Variants in LRMDA observed in about 807,000 individuals in gnomAD.
LRMDA encodes leucine-rich melanocyte differentiation-associated protein.
In LRMDA, 18 loss-of-function variants were observed where a neutral mutation model predicts 29.8. The observed-to-expected ratio is 0.60, with a 90% CI of 0.42 to 0.90. The LOEUF is 0.90. Among genes scored for constraint, LRMDA ranks in the 40% least tolerant of loss-of-function variants. The pLI, the probability that LRMDA is intolerant of heterozygous loss-of-function variation, is 0.00. For missense variants in LRMDA, 273 were observed against 273.9 expected, an observed-to-expected ratio of 1.00 and a Z score of 0.02; for synonymous variants, 125 against 109.4, an observed-to-expected ratio of 1.14 and a Z score of -0.89.
intron 2 of LRMDA, among the ~76,000 whole-genome samples, chr10:75,989,502 C>T (rs1847321841): frequency 1.3e-5 from 2 of 152,202 alleles, no homozygotes; most frequent in African/African-American, 2.4e-5. Flanking sequence ...AGAAACCACC[C>T]CCATGATCCA....
At chr10:76,538,479 C>T (rs1843314294) in intron 6 of LRMDA, among the ~76,000 whole-genome samples, 1 of 136,282 alleles carries the variant, frequency 7.3e-6, no homozygotes, top group Non-Finnish European at 1.5e-5. Flanking sequence ...TATGTATATA[C>T]ATATTTATAT....
At chr10:75,952,166 T>C (rs1397346023) in intron 2 of LRMDA, among the ~76,000 whole-genome samples, 1 of 152,172 alleles carries the variant, frequency 6.6e-6, no homozygotes, top group East Asian at 1.9e-4. Flanking sequence ...AAAGTTTGCT[T>C]CTTCTCAACC....
chr10:76,470,724 A>C (rs920135883), intron 6 of LRMDA, among the ~76,000 whole-genome samples: 1 of 152,058 alleles, frequency 6.6e-6, no homozygotes, highest in Non-Finnish European at 1.5e-5. Flanking sequence ...AATAGAATAG[A>C]GGTTAACAAG....
At chr10:76,057,919 GTCAAC>G (rs750721804) in intron 4 of LRMDA, among the ~76,000 whole-genome samples, 23 of 152,280 alleles carry the variant, frequency 1.5e-4, no homozygotes, top group South Asian at 2.1e-4. Context: ...GGTTATTCTT[GTCAAC>G]TCCATATATA....
chr10:75,641,847 G>A (rs1390352632), intron 2 of LRMDA, among the ~76,000 whole-genome samples: 1 of 152,260 alleles, frequency 6.6e-6, no homozygotes, highest in East Asian at 1.9e-4. Context: ...AGGAATTTGA[G>A]TCCAGCTCAG....
At chr10:76,181,747 G>A (rs947019068) in intron 5 of LRMDA, among the ~76,000 whole-genome samples, 1 of 152,216 alleles carries the variant, frequency 6.6e-6, no homozygotes, top group Non-Finnish European at 1.5e-5. Context: ...AGAATGAGAA[G>A]TTATAAAAAC....
intron 2 of LRMDA, among the ~76,000 whole-genome samples, chr10:75,522,133 C>A (rs75238681): frequency 6.6e-6 from 1 of 152,172 alleles, no homozygotes; most frequent in Non-Finnish European, 1.5e-5. Context: ...TTGAAGCAGG[C>A]GCTGTTCTAT....
At chr10:75,834,314 T>C (rs576494815) in intron 2 of LRMDA, among the ~76,000 whole-genome samples, 2 of 152,330 alleles carry the variant, frequency 1.3e-5, no homozygotes, top group African/African-American at 4.8e-5. Context: ...ACGAGTCACA[T>C]GCCTAATCTC....
At chr10:75,724,691 C>T (rs1042027098) in intron 2 of LRMDA, among the ~76,000 whole-genome samples, 4 of 152,092 alleles carry the variant, frequency 2.6e-5, no homozygotes, top group Non-Finnish European at 4.4e-5. Context: ...AGAATCTCAG[C>T]GAGTGGGTTA....
chr10:75,897,507 G>T (rs1341362290), intron 2 of LRMDA, among the ~76,000 whole-genome samples: 1 of 152,148 alleles, frequency 6.6e-6, no homozygotes, highest in Non-Finnish European at 1.5e-5. Flanking sequence ...TAGACCTGAA[G>T]AATTTCATTC....
rs57497971 is a variant in LRMDA at position 75,827,621 on chromosome 10, C to T, written c.132-208387C>T. Reference sequence around the variant, plus strand: ...GGTTAGTGTTTGAGGGACTTTGAGGCACTGCTGTAAAGCAAAGTGCAAAAA... The same window carrying T: ...GGTTAGTGTTTGAGGGACTTTGAGGTACTGCTGTAAAGCAAAGTGCAAAAA... On this transcript the variant is annotated intron_variant, in intron 2 of 6. Transcript: ENST00000611255. Among the ~76,000 whole-genome samples, 1,129 of 152,288 alleles carry T rather than the reference C, an allele frequency of 7.4e-3. 20 individuals carry two copies. Among genetic ancestry groups the T allele is most frequent in the African/African-American group, 0.025 (1,029 of 41,554 alleles).
chr10:76,148,460 C>T (rs73285261), intron 5 of LRMDA, among the ~76,000 whole-genome samples: 47 of 152,228 alleles, frequency 3.1e-4, no homozygotes, highest in African/African-American at 8.4e-4. Context: ...TAGCAATGAG[C>T]GACACACGGT....
At chr10:75,588,499 T>G (rs1014078489) in intron 2 of LRMDA, among the ~76,000 whole-genome samples, 1 of 152,348 alleles carries the variant, frequency 6.6e-6, no homozygotes, top group South Asian at 2.1e-4. Context: ...GCCTGGTCCA[T>G]GTGAGTTCCT....
At chr10:76,479,115 A>G (rs1842710586) in intron 6 of LRMDA, among the ~76,000 whole-genome samples, 1 of 151,704 alleles carries the variant, frequency 6.6e-6, no homozygotes, top group South Asian at 2.1e-4. Context: ...AATTAGAATG[A>G]AAGGTTTCAT....
chr10:75,493,123 A>G (rs1466051555), intron 2 of LRMDA, among the ~76,000 whole-genome samples: 1 of 152,154 alleles, frequency 6.6e-6, no homozygotes, highest in African/African-American at 2.4e-5. Context: ...ATGAATTGTT[A>G]TATTTGCATA....
chr10:76,527,621 C>A (rs1410429669), intron 6 of LRMDA, among the ~76,000 whole-genome samples: 1 of 152,104 alleles, frequency 6.6e-6, no homozygotes, highest in African/African-American at 2.4e-5. Flanking sequence ...AATACATCTA[C>A]TTCATAGGGT....
chr10:76,263,476 T>C (rs1407402201), intron 5 of LRMDA, among the ~76,000 whole-genome samples: 1 of 152,188 alleles, frequency 6.6e-6, no homozygotes, highest in Non-Finnish European at 1.5e-5. Flanking sequence ...GTTTGCATGA[T>C]GGTTACTTTA....
intron 5 of LRMDA, among the ~76,000 whole-genome samples, chr10:76,160,273 T>C (rs1460479784): frequency 6.6e-6 from 1 of 151,758 alleles, no homozygotes; most frequent in Non-Finnish European, 1.5e-5. Flanking sequence ...TAGATTCACA[T>C]GTGTCATTTT....
At chr10:75,907,779 G>C (rs1845780866) in intron 2 of LRMDA, among the ~76,000 whole-genome samples, 1 of 152,172 alleles carries the variant, frequency 6.6e-6, no homozygotes, top group Non-Finnish European at 1.5e-5. Flanking sequence ...ATCAAAACTT[G>C]CGTCTCAGAA....
Sources: gnomAD v4.1 joint callset for allele counts (sites outside exome capture counted in the v4.1 genomes callset) on GRCh38, gnomAD v4.1.1 for gene constraint, MANE v1.5 for transcripts, NCBI Gene and HGNC (gene_info 2026-07-23, HGNC 2026-07-21) for gene names.